Variants in LCLAT1 observed in about 807,000 individuals in gnomAD.
LCLAT1 encodes lysocardiolipin acyltransferase 1.
A neutral mutation model predicts 30.7 loss-of-function variants in LCLAT1; 11 were observed. The ratio of observed to expected loss-of-function variants is 0.36; its 90% CI spans 0.23 to 0.59. LCLAT1 has a LOEUF of 0.59. Ranked by LOEUF, LCLAT1 falls within the 20% of genes least tolerant of loss-of-function variation. LCLAT1 has a pLI of 0.77. For synonymous variants in LCLAT1, 155 were observed against 151.3 expected (o/e 1.02, Z -0.18); for missense variants, 402 against 458.6 (o/e 0.88, Z 1.13).
At chr2:30,610,637 G>A (rs1042095945) in intron 5 of LCLAT1, among the ~76,000 whole-genome samples, 15 of 152,092 alleles carry the variant, frequency 9.9e-5, no homozygotes, top group African/African-American at 3.6e-4. Flanking sequence ...CACAAGTGCT[G>A]TAACAGGCTG....
chr2:30,622,808 C>A (rs996360726), intron 5 of LCLAT1, among the ~76,000 whole-genome samples: 3 of 152,150 alleles, frequency 2.0e-5, no homozygotes, highest in Non-Finnish European at 4.4e-5. Flanking sequence ...TGAACAGCAG[C>A]TCTTGAGCCC....
At chr2:30,605,644 G>A (rs1572688048) in intron 5 of LCLAT1, among the ~76,000 whole-genome samples, 1 of 152,274 alleles carries the variant, frequency 6.6e-6, no homozygotes. Flanking sequence ...CTCACTAAGA[G>A]TGAAATATAC....
At chr2:30,484,437 G>A (rs982699041) in intron 1 of LCLAT1, among the ~76,000 whole-genome samples, 8 of 152,178 alleles carry the variant, frequency 5.3e-5, no homozygotes, top group Middle Eastern at 6.8e-3. Flanking sequence ...GTATTAACTC[G>A]TTGTACCATG....
Position 30,640,162 on chromosome 2 carries a change from A to G in LCLAT1, c.674A>G (p.His225Arg). ...AVHDITVAYP[H>R]NIPQSEKHLL... The stretch of plus-strand genomic sequence containing the variant: ...CATGATATCACTGTGGCGTATCCTC[A>G]CAACATTCCTCAATCAGAGAAGCAC... The change falls in exon 6 of 6, where the codon CAC becomes CGC. Residue 225 changes from histidine (H) to arginine (R), a missense_variant. Transcript: ENST00000379509. 5.0e-6 allele frequency: 8 copies of G among 1,613,960 alleles called. No individual in the cohort carries two copies. The highest frequency in any genetic ancestry group is 6.8e-6 in the Non-Finnish European group (8 of 1,179,914).
intron 1 of LCLAT1, among the ~76,000 whole-genome samples, chr2:30,491,849 C>A (rs1357016214): frequency 6.6e-6 from 1 of 151,952 alleles, no homozygotes; most frequent in Non-Finnish European, 1.5e-5. Context: ...CAAATAATAA[C>A]CAATAAACTG....
At chr2:30,472,047 A>G (rs1344914871) in intron 1 of LCLAT1, among the ~76,000 whole-genome samples, 1 of 152,160 alleles carries the variant, frequency 6.6e-6, no homozygotes, top group Non-Finnish European at 1.5e-5. Context: ...TTTCTTTTAA[A>G]TCTTTAACAT....
In LCLAT1 at chr2:30,582,581, A is replaced by T. The variant is rs185684281; in HGVS notation, c.628+14405A>T. ...TGCAGCTTTTACAGCAACTTTTCTAATAGTTTGGATGTAAATGCCATAATG... is the reference window on the plus strand; with the variant it reads ...TGCAGCTTTTACAGCAACTTTTCTATTAGTTTGGATGTAAATGCCATAATG... On this transcript the variant is annotated intron_variant, in intron 5 of 5. Coordinates refer to ENST00000379509, the MANE Select transcript of LCLAT1 (RefSeq NM_001002257.3). Among the ~76,000 whole-genome samples, 9 of 152,288 alleles carry T rather than the reference A, an allele frequency of 5.9e-5. No homozygotes were observed. In the East Asian group the frequency reaches 1.7e-3, roughly 29 times the overall value.
intron 3 of LCLAT1, 47 bp from the exon 4 acceptor site, chr2:30,562,099 A>G (rs11895976): frequency 3.5e-6 from 5 of 1,420,496 alleles, no homozygotes; most frequent in African/African-American, 1.4e-5. Flanking sequence ...ATATGTGGAT[A>G]TTGGCAATAA....
At chr2:30,504,964 A>C (rs1285403674) in intron 1 of LCLAT1, among the ~76,000 whole-genome samples, 1 of 152,094 alleles carries the variant, frequency 6.6e-6, no homozygotes, top group Non-Finnish European at 1.5e-5. Context: ...ATGGTATTGC[A>C]TTTTCTCTTA....
chr2:30,447,283 G>A lies in LCLAT1; in HGVS notation c.-105G>A, dbSNP rs1204953557. On this transcript the variant is annotated 5_prime_UTR_variant, in exon 1 of 6. It removes an upstream start codon present in the reference 5' UTR. Coordinates refer to ENST00000379509, the MANE Select transcript of LCLAT1 (RefSeq NM_001002257.3). ...GCCGGACGCCTCCGCGTTACGGGAT[G>A]AATTAACGGCGGGTTCCGCACGGAG... The A allele has an allele frequency of 2.0e-5, 3 of 151,996 alleles. No individual in the cohort carries two copies. The highest frequency in any genetic ancestry group is 7.2e-5 in the African/African-American group (3 of 41,412). The allele number at this position is 151,996 out of a possible 1,614,324, so 9.4% of individuals were successfully genotyped here.
rs553694158 is a variant in LCLAT1, at chr2:30,447,405, G to A, written c.-5+22G>A. 102 of 152,952 alleles carry A rather than the reference G, an allele frequency of 6.7e-4. 1 individual carries two copies. In the South Asian group the frequency reaches 0.019, roughly 28 times the overall value. The allele number at this position is 152,952 out of a possible 1,614,324, so 9.5% of individuals were successfully genotyped here. On this transcript the variant is annotated intron_variant, in intron 1 of 5. Coordinates refer to ENST00000379509, the MANE Select transcript of LCLAT1 (RefSeq NM_001002257.3). ...ACAGGTGGGAGGCTGGAACTATCAG[G>A]TGGGGTTACGGCGCGAGGAAAATGG...
At chr2:30,447,715 C>A (rs1331494359) in intron 1 of LCLAT1, among the ~76,000 whole-genome samples, 1 of 152,234 alleles carries the variant, frequency 6.6e-6, no homozygotes, top group Non-Finnish European at 1.5e-5. Context: ...ACGCTAGGAG[C>A]GTCAAAACCT....
intron 5 of LCLAT1, among the ~76,000 whole-genome samples, chr2:30,593,781 T>C (rs942999848): frequency 1.1e-4 from 16 of 152,044 alleles, no homozygotes; most frequent in Non-Finnish European, 2.2e-4. Flanking sequence ...TGAATGGCCA[T>C]AGATTAAAGG....
At chr2:30,614,395 TAC>T (rs1249560301) in intron 5 of LCLAT1, among the ~76,000 whole-genome samples, 9 of 151,940 alleles carry the variant, frequency 5.9e-5, no homozygotes, top group African/African-American at 2.2e-4. Context: ...TACTTCTTTC[TAC>T]ACAGACACAG....
chr2:30,545,334 A>C (rs1012992800), intron 3 of LCLAT1, among the ~76,000 whole-genome samples: 2 of 152,128 alleles, frequency 1.3e-5, no homozygotes, highest in African/African-American at 2.4e-5. Context: ...GGGAGTATTT[A>C]AGATTGCTAT....
intron 1 of LCLAT1, among the ~76,000 whole-genome samples, chr2:30,520,113 G>A (rs1348316263): frequency 1.3e-5 from 2 of 152,154 alleles, no homozygotes; most frequent in African/African-American, 2.4e-5. Context: ...TTCTAATGGA[G>A]TTGTAACACT....
At chr2:30,621,291 A>G (rs1445126012) in intron 5 of LCLAT1, among the ~76,000 whole-genome samples, 1 of 152,176 alleles carries the variant, frequency 6.6e-6, no homozygotes, top group Non-Finnish European at 1.5e-5. Context: ...GTGTTCCCCC[A>G]AAATTCCTAT....
At chr2:30,482,819 C>T (rs1377573219) in intron 1 of LCLAT1, among the ~76,000 whole-genome samples, 2 of 150,828 alleles carry the variant, frequency 1.3e-5, no homozygotes, top group East Asian at 3.9e-4. Context: ...TAAGGACAAG[C>T]AGTTTGGATT....
intron 5 of LCLAT1, among the ~76,000 whole-genome samples, chr2:30,639,520 C>T (rs79975718): frequency 0.13 from 19,330 of 152,058 alleles, 1,359 homozygotes; most frequent in South Asian, 0.23. Flanking sequence ...GGCTGAACTC[C>T]TGGGCAATAG....
Sources: allele counts gnomAD v4.1 joint callset (sites outside exome capture counted in the v4.1 genomes callset), GRCh38; gene constraint gnomAD v4.1.1; transcripts MANE v1.5; gene names NCBI Gene and HGNC (gene_info 2026-07-23, HGNC 2026-07-21).